The following XKR9 variants were observed in gnomAD, a reference collection of about 807,000 sequenced individuals.
XKR9 encodes XK-related protein 9.
A neutral mutation model predicts 32.0 loss-of-function variants in XKR9; 32 were observed. The observed-to-expected ratio is 1.00, with a 90% CI of 0.76 to 1.34. The LOEUF (loss-of-function observed/expected upper bound fraction) is 1.34. Among genes scored for constraint, XKR9 ranks in the 40% most tolerant of loss-of-function variants. The pLI is 0.00. For missense variants in XKR9, 546 were observed against 429.7 expected, an observed-to-expected ratio of 1.27 and a Z score of -2.39; for synonymous variants, 168 against 143.4, an observed-to-expected ratio of 1.17 and a Z score of -1.22.
the XKR9 span, among the ~76,000 whole-genome samples, chr8:71,033,729 G>C: frequency 1.3e-5 from 2 of 152,098 alleles, no homozygotes; most frequent in Non-Finnish European, 2.9e-5. Context: ...CTCACCACGT[G>C]ATCTCTTTGT....
At chr8:70,855,016 G>T in the XKR9 span, among the ~76,000 whole-genome samples, 1 of 151,994 alleles carries the variant, frequency 6.6e-6, no homozygotes, top group Non-Finnish European at 1.5e-5. Flanking sequence ...CTCTTTTTTG[G>T]TTCCATATGA....
chr8:70,901,771 T>C, the XKR9 span, among the ~76,000 whole-genome samples: 13 of 152,236 alleles, frequency 8.5e-5, no homozygotes, highest in East Asian at 7.7e-4. Flanking sequence ...CTAGGTTCTC[T>C]TCAAGGGTTT....
Position 70,674,862 on chromosome 8 carries a change from G to A in XKR9, c.-316G>A, listed in dbSNP as rs1262397822. 1.3e-5 allele frequency: 2 copies of A among 152,168 alleles called. No individual in the cohort carries two copies. The highest frequency in any genetic ancestry group is 4.8e-5 in the African/African-American group (2 of 41,432). The allele number at this position is 152,168 out of a possible 1,614,324, so 9.4% of individuals were successfully genotyped here. ...TCACAAGATGAAGATTTTTCCAGAA[G>A]GGACTTTGAGTCAAAGATGGCTTTT... is the stretch of plus-strand genomic sequence containing the variant. On this transcript the variant is annotated 5_prime_UTR_variant, in exon 2 of 5. Coordinates refer to ENST00000408926, the MANE Select transcript of XKR9 (RefSeq NM_001011720.2).
At chr8:70,753,030 AAAG>A (rs1442272058) in intron 2 of XKR9, among the ~76,000 whole-genome samples, 10 of 152,108 alleles carry the variant, frequency 6.6e-5, no homozygotes, top group South Asian at 2.1e-4. Context: ...CAAGACTAAT[AAAG>A]AAGAAGAGAG....
the XKR9 span, among the ~76,000 whole-genome samples, chr8:70,823,432 G>T: frequency 6.6e-6 from 1 of 152,130 alleles, no homozygotes; most frequent in African/African-American, 2.4e-5. Flanking sequence ...AATGCTCAAG[G>T]TTACTTTTCC....
the XKR9 span, among the ~76,000 whole-genome samples, chr8:71,053,049 G>A: frequency 1.2e-4 from 19 of 152,266 alleles, no homozygotes; most frequent in East Asian, 3.5e-3. Flanking sequence ...TAATCACAAA[G>A]GTATAGGTAA....
the XKR9 span, among the ~76,000 whole-genome samples, chr8:70,827,851 T>A: frequency 6.6e-6 from 1 of 152,210 alleles, no homozygotes; most frequent in Non-Finnish European, 1.5e-5. Context: ...AAAAATTGCT[T>A]GATTTATGGT....
intron 3 of XKR9, among the ~76,000 whole-genome samples, chr8:70,686,697 G>A (rs1267819138): frequency 1.3e-5 from 2 of 152,112 alleles, no homozygotes; most frequent in African/African-American, 4.8e-5. Flanking sequence ...GTCTCCTTCG[G>A]CCTCTCAAAT....
intron 3 of XKR9, among the ~76,000 whole-genome samples, chr8:70,686,670 T>G (rs985530596): frequency 6.6e-6 from 1 of 152,048 alleles, no homozygotes; most frequent in Non-Finnish European, 1.5e-5. Flanking sequence ...TTTTGAACTT[T>G]TAGGCTCAAG....
At chr8:70,866,982 C>T in the XKR9 span, among the ~76,000 whole-genome samples, 1 of 152,094 alleles carries the variant, frequency 6.6e-6, no homozygotes. Flanking sequence ...CCTAGGTTGG[C>T]AAGCAGGTCC....
chr8:71,036,189 G>A, the XKR9 span, among the ~76,000 whole-genome samples: 4 of 151,948 alleles, frequency 2.6e-5, no homozygotes, highest in East Asian at 1.9e-4. Context: ...AGTCTTAGCC[G>A]CAAACCTAGC....
chr8:70,879,528 A>C, the XKR9 span, among the ~76,000 whole-genome samples: 1 of 152,166 alleles, frequency 6.6e-6, no homozygotes. Context: ...TACTATAAAC[A>C]CCTTTATGCA....
the XKR9 span, among the ~76,000 whole-genome samples, chr8:70,885,133 C>T: frequency 6.6e-6 from 1 of 151,160 alleles, no homozygotes; most frequent in Non-Finnish European, 1.5e-5. Context: ...TTCTGGGGTG[C>T]TAATGTAAGT....
the XKR9 span, among the ~76,000 whole-genome samples, chr8:71,012,054 C>T: frequency 3.7e-4 from 56 of 152,088 alleles, 1 homozygote; most frequent in Admixed American, 3.6e-3. Context: ...ACCCTCTTCA[C>T]TAGCAATAGG....
the XKR9 span, among the ~76,000 whole-genome samples, chr8:70,818,342 AT>A: frequency 2.0e-5 from 3 of 151,668 alleles, no homozygotes; most frequent in Non-Finnish European, 4.4e-5. Context: ...ATAGTGCTTT[AT>A]TTTTTTATTT....
the XKR9 span, among the ~76,000 whole-genome samples, chr8:70,800,567 C>A: frequency 2.0e-5 from 3 of 152,096 alleles, no homozygotes; most frequent in Non-Finnish European, 4.4e-5. Context: ...CTTACTGAAA[C>A]CTTTGCCTCC....
chr8:70,723,055 A>G (rs915030297), intron 4 of XKR9, among the ~76,000 whole-genome samples: 1 of 151,716 alleles, frequency 6.6e-6, no homozygotes, highest in African/African-American at 2.4e-5. Context: ...TTGATCTTCA[A>G]ACTCTGATAT....
At chr8:71,026,307 TA>T in the XKR9 span, among the ~76,000 whole-genome samples, 1 of 152,234 alleles carries the variant, frequency 6.6e-6, no homozygotes, top group Non-Finnish European at 1.5e-5. Flanking sequence ...ATTTATTGAT[TA>T]TTTTTCTTAA....
At chr8:70,737,281 G>C (rs1806881430), downstream of XKR9, among the ~76,000 whole-genome samples, 2 of 146,530 alleles carry the variant, frequency 1.4e-5, no homozygotes, top group African/African-American at 5.0e-5. Flanking sequence ...TCTGTTATTG[G>C]TGTATAAGAA....
Sources: gnomAD v4.1 joint callset for allele counts (sites outside exome capture counted in the v4.1 genomes callset) on GRCh38, gnomAD v4.1.1 for gene constraint, MANE v1.5 for transcripts, NCBI Gene and HGNC (gene_info 2026-07-23, HGNC 2026-07-21) for gene names.